CAST: variants seen among roughly 807,000 people sequenced by gnomAD.
CAST encodes MIR583 host.
In CAST, 76 loss-of-function variants were observed where a neutral mutation model predicts 119.6. The ratio of observed to expected loss-of-function variants is 0.64; its 90% confidence interval spans 0.53 to 0.77. CAST has a LOEUF of 0.77. Ranked by LOEUF, CAST falls within the 30% of genes least tolerant of loss-of-function variation. CAST has a pLI of 0.00. For missense variants in CAST, 953 were observed against 946.5 expected (o/e 1.01, Z -0.09); for synonymous variants, 319 against 331.6 (o/e 0.96, Z 0.41).
the CAST span, among the ~76,000 whole-genome samples, chr5:96,444,473 A>G: frequency 5.9e-5 from 9 of 152,236 alleles, no homozygotes; most frequent in African/African-American, 2.2e-4. Flanking sequence ...AATTTTAAAT[A>G]TCCTCTTTCC....
At chr5:95,995,970 G>A in the CAST span, among the ~76,000 whole-genome samples, 1 of 152,128 alleles carries the variant, frequency 6.6e-6, no homozygotes, top group African/African-American at 2.4e-5. Flanking sequence ...CTATATGGTA[G>A]ACATATGACA....
At chr5:96,501,889 C>A in the CAST span, among the ~76,000 whole-genome samples, 501 of 152,282 alleles carry the variant, frequency 3.3e-3, 4 homozygotes, top group African/African-American at 0.01. Flanking sequence ...CAGTAACATG[C>A]TTTGTAGCGT....
At chr5:96,578,532 G>T (rs190474025) in intron 1 of CAST, among the ~76,000 whole-genome samples, 12 of 151,098 alleles carry the variant, frequency 7.9e-5, no homozygotes, top group Admixed American at 7.2e-4. Flanking sequence ...CTTCCTATGG[G>T]TTACTTCAGA....
At chr5:96,400,070 C>A in the CAST span, 3 of 1,614,138 alleles carry the variant, frequency 1.9e-6, no homozygotes, top group Non-Finnish European at 8.5e-7. Context: ...AAATCCAAAT[C>A]GACTATTCAC....
chr5:96,496,568 A>G, the CAST span, among the ~76,000 whole-genome samples: 1 of 152,232 alleles, frequency 6.6e-6, no homozygotes, highest in Non-Finnish European at 1.5e-5. Context: ...AGTTTTTACT[A>G]AGTTTCTAAT....
the CAST span, chr5:96,416,243 T>G: frequency 2.8e-5 from 20 of 724,406 alleles, no homozygotes; most frequent in Middle Eastern, 2.4e-4. Context: ...TGTTTTTGTT[T>G]GTTTGTTTTA....
the CAST span, among the ~76,000 whole-genome samples, chr5:96,194,711 A>G: frequency 1.3e-5 from 2 of 152,252 alleles, no homozygotes; most frequent in African/African-American, 4.8e-5. Flanking sequence ...TAGATTGAAT[A>G]AACTTAGCCA....
the CAST span, among the ~76,000 whole-genome samples, chr5:96,476,725 T>C: frequency 6.6e-6 from 1 of 152,162 alleles, no homozygotes; most frequent in Non-Finnish European, 1.5e-5. Context: ...CTTAACAAAG[T>C]ATCTTAACTT....
At position 96,733,781 on chromosome 5, in the gene CAST, G is replaced by T. The variant is rs557436982; in HGVS notation, c.631-2391G>T. 1.1e-3 allele frequency among the ~76,000 whole-genome samples: 162 copies of T among 152,322 alleles called. 1 individual carries two copies. In the South Asian group the frequency reaches 0.032, roughly 30 times the overall value. On this transcript the variant is annotated intron_variant, in intron 9 of 31. Transcript: ENST00000675179. Reference sequence around the variant, plus strand: ...AATCCCAGCTACTCAAGAGGCTGAGGCAGGAGAATTGCTTGAACCCGGGAG... The same window carrying T: ...AATCCCAGCTACTCAAGAGGCTGAGTCAGGAGAATTGCTTGAACCCGGGAG...
chr5:96,516,783 C>T, the CAST span, among the ~76,000 whole-genome samples: 10 of 152,296 alleles, frequency 6.6e-5, no homozygotes, highest in South Asian at 2.1e-3. Context: ...TTCTAACATG[C>T]ATTTGTATTT....
At chr5:96,202,360 G>A in the CAST span, among the ~76,000 whole-genome samples, 3 of 151,974 alleles carry the variant, frequency 2.0e-5, no homozygotes, top group African/African-American at 7.2e-5. Flanking sequence ...AAATAACAAT[G>A]AATATTTTTT....
At chr5:96,648,057 A>G (rs1238508468) in intron 1 of CAST, among the ~76,000 whole-genome samples, 2 of 152,318 alleles carry the variant, frequency 1.3e-5, no homozygotes, top group East Asian at 3.9e-4. Flanking sequence ...TTTTCAACTT[A>G]GGTTGTGTTT....
rs1769850801 is a variant in CAST, at chr5:96,766,108, C to T, written c.2093C>T (p.Pro698Leu). The stretch of plus-strand genomic sequence containing the variant: ...CTTGGAGAAAGAGATGACACTATCC[C>T]ACCTGAATACAGACATCTCCTGGAT... Reference protein sequence around the residue: ...DKLGERDDTIPPEYRHLLDDN... With the variant: ...DKLGERDDTILPEYRHLLDDN... Residue 698 changes from proline to leucine, a missense_variant, in exon 27 of 32, where the codon CCA becomes CTA. Transcript: ENST00000675179. 1 of 1,610,864 alleles carries T rather than the reference C, an allele frequency of 6.2e-7. No homozygotes were observed. Among genetic ancestry groups the T allele is most frequent in the Non-Finnish European group, 8.5e-7 (1 of 1,177,614 alleles).
chr5:96,402,273 G>C, the CAST span, among the ~76,000 whole-genome samples: 1 of 152,314 alleles, frequency 6.6e-6, no homozygotes, highest in African/African-American at 2.4e-5. Context: ...CACGACACAC[G>C]GGGAAGCTGC....
At chr5:96,104,568 GGCTC>G in the CAST span, among the ~76,000 whole-genome samples, 1 of 151,964 alleles carries the variant, frequency 6.6e-6, no homozygotes, top group Non-Finnish European at 1.5e-5. Context: ...TATTTCTGAG[GGCTC>G]TGTTCTGTTC....
At chr5:96,671,552 G>A (rs1257911668) in intron 1 of CAST, among the ~76,000 whole-genome samples, 1 of 152,138 alleles carries the variant, frequency 6.6e-6, no homozygotes, top group East Asian at 1.9e-4. Context: ...CAGATCTTCA[G>A]TTGCTTTATT....
At chr5:96,001,097 C>T in the CAST span, among the ~76,000 whole-genome samples, 1 of 152,088 alleles carries the variant, frequency 6.6e-6, no homozygotes, top group African/African-American at 2.4e-5. Context: ...CAGTTTGCTC[C>T]CAGTGTAAAG....
chr5:96,320,971 A>G, the CAST span, among the ~76,000 whole-genome samples: 1 of 152,196 alleles, frequency 6.6e-6, no homozygotes, highest in Non-Finnish European at 1.5e-5. Flanking sequence ...TTCAGAAGTC[A>G]GATGAGTTCC....
the CAST span, among the ~76,000 whole-genome samples, chr5:95,987,901 A>T: frequency 7.9e-5 from 12 of 152,364 alleles, no homozygotes; most frequent in African/African-American, 2.9e-4. Context: ...ATATGTGACT[A>T]GTGGCTACCA....
Sources: allele counts gnomAD v4.1 joint callset (sites outside exome capture counted in the v4.1 genomes callset), GRCh38; gene constraint gnomAD v4.1.1; transcripts MANE v1.5; gene names NCBI Gene and HGNC (gene_info 2026-07-23, HGNC 2026-07-21).